Variants in CREB1 observed in about 807,000 individuals in gnomAD.
CREB1 encodes cyclic AMP-responsive element-binding protein 1.
Under a neutral mutation model 42.0 loss-of-function variants are expected in CREB1, and 2 were observed. The ratio of observed to expected loss-of-function variants is 0.05; its 90% CI spans 0.02 to 0.15. The LOEUF is 0.15. Among genes scored for constraint, CREB1 ranks in the 10% least tolerant of loss-of-function variants. The probability of loss-of-function intolerance (pLI) is 1.00; values close to 1 mark genes in which losing one functional copy is unlikely to be tolerated. For missense variants in CREB1, 199 were observed against 388.9 expected (o/e 0.51, Z 4.11); for synonymous variants, 123 against 139.9 (o/e 0.88, Z 0.85).
At chr2:207,585,126 C>T (rs574055784) in intron 7 of CREB1, among the ~76,000 whole-genome samples, 3 of 152,264 alleles carry the variant, frequency 2.0e-5, no homozygotes, top group Non-Finnish European at 2.9e-5. Flanking sequence ...AAGGCCAGCT[C>T]GCTCTCACTA....
At chr2:207,535,964 G>T (rs533088807) in intron 1 of CREB1, among the ~76,000 whole-genome samples, 177 of 151,988 alleles carry the variant, frequency 1.2e-3, no homozygotes, top group Non-Finnish European at 1.9e-3. Flanking sequence ...GGGACAACAG[G>T]CGCGCACCAC....
intron 2 of CREB1, among the ~76,000 whole-genome samples, chr2:207,556,879 A>G (rs917551210): frequency 6.6e-6 from 1 of 152,174 alleles, no homozygotes; most frequent in South Asian, 2.1e-4. Context: ...GCTCACGCCT[A>G]TAATCCAAAC....
intron 1 of CREB1, among the ~76,000 whole-genome samples, chr2:207,553,921 T>TA (rs1415301480): frequency 5.9e-5 from 9 of 152,184 alleles, no homozygotes; most frequent in Non-Finnish European, 7.4e-5. Flanking sequence ...TTTACTTTTT[T>TA]AAAAAAATAA....
chr2:207,545,409 T>A (rs897122825), intron 1 of CREB1, among the ~76,000 whole-genome samples: 1 of 152,136 alleles, frequency 6.6e-6, no homozygotes, highest in African/African-American at 2.4e-5. Context: ...GGTTTCACTA[T>A]GTTGGCCAGC....
chr2:207,533,327 A>G (rs2080732310), intron 1 of CREB1, among the ~76,000 whole-genome samples: 1 of 152,094 alleles, frequency 6.6e-6, no homozygotes, highest in South Asian at 2.1e-4. Context: ...CATTATTAGA[A>G]ATTTTGGGTT....
At chr2:207,548,199 G>T (rs2081369267) in intron 1 of CREB1, among the ~76,000 whole-genome samples, 1 of 152,072 alleles carries the variant, frequency 6.6e-6, no homozygotes, top group Admixed American at 6.6e-5. Flanking sequence ...AAAGCGCAGG[G>T]ATTACAGGTG....
chr2:207,577,896 A>C (rs759731442), intron 7 of CREB1: 1 of 472,398 alleles, frequency 2.1e-6, no homozygotes, highest in Admixed American at 3.4e-5. Context: ...TCCCCACAGG[A>C]GATTTAATGC....
intron 1 of CREB1, among the ~76,000 whole-genome samples, chr2:207,545,891 G>A (rs979817339): frequency 4.6e-5 from 7 of 152,026 alleles, no homozygotes; most frequent in Middle Eastern, 3.4e-3. Flanking sequence ...GCGCCACCAC[G>A]CCTGGCTAAT....
chr2:207,592,911 C>CAAAAAAAAAAAAAAAAAAGAA (rs1441311815), intron 7 of CREB1, among the ~76,000 whole-genome samples: 5 of 145,088 alleles, frequency 3.4e-5, no homozygotes, highest in African/African-American at 5.1e-5. Context: ...GACTCCATCT[C>CAAAAAAAAAAAAAAAAAAGAA]AAAAAAGAAA....
At chr2:207,571,701 T>A in intron 5 of CREB1, 1 of 454,180 alleles carries the variant, frequency 2.2e-6, no homozygotes, top group South Asian at 1.6e-5. Context: ...TCGAAGACAT[T>A]GATACATGAT....
intron 1 of CREB1, 44 bp from the exon 2 acceptor site, chr2:207,555,584 A>G: frequency 7.8e-7 from 1 of 1,276,316 alleles, no homozygotes; most frequent in South Asian, 1.3e-5. Flanking sequence ...TCACGAAAGC[A>G]CAAAGCACTG....
At chr2:207,581,667 C>T in intron 7 of CREB1, 4 of 482,332 alleles carry the variant, frequency 8.3e-6, no homozygotes, top group Non-Finnish European at 1.5e-5. Flanking sequence ...TTCCGGATAC[C>T]CTTCATCCAG....
At chr2:207,557,111 C>T (rs775904016) in intron 2 of CREB1, among the ~76,000 whole-genome samples, 33 of 151,720 alleles carry the variant, frequency 2.2e-4, no homozygotes, top group Non-Finnish European at 4.0e-4. Context: ...GCATTCCAGC[C>T]GGGGTGACAG....
rs1216065005 is a variant in CREB1, at chr2:207,597,974, C to T, written c.*916C>T. On this transcript the variant is annotated 3_prime_UTR_variant, in exon 8 of 8. Transcript: ENST00000353267. ...CTTCAAAAATATTTATATTGTCACTCATTTACGTAAAAAGATATTTCTAAT... is the reference window on the plus strand; with the variant it reads ...CTTCAAAAATATTTATATTGTCACTTATTTACGTAAAAAGATATTTCTAAT... 1 of 183,924 alleles carries T rather than the reference C, an allele frequency of 5.4e-6. No individual in the cohort carries two copies. Among genetic ancestry groups the T allele is most frequent in the Non-Finnish European group, 1.2e-5 (1 of 86,904 alleles). The allele number at this position is 183,924 out of a possible 1,614,324, so 11.4% of individuals were successfully genotyped here.
intron 1 of CREB1, among the ~76,000 whole-genome samples, chr2:207,554,825 C>T (rs1389402982): frequency 6.6e-6 from 1 of 152,080 alleles, no homozygotes; most frequent in Non-Finnish European, 1.5e-5. Context: ...GGTGAGGTAT[C>T]AGAATGCTTT....
rs1428746027 is a variant in CREB1 at position 207,530,391 on chromosome 2, G to A, written c.-9+257G>A. ...CCAGCGGCGGCGCTCATGGCGGGGGGCGGCGGGCGGCGGGCGGCGGGCGGG... is the reference window on the plus strand; with the variant it reads ...CCAGCGGCGGCGCTCATGGCGGGGGACGGCGGGCGGCGGGCGGCGGGCGGG... On this transcript the variant is annotated intron_variant, in intron 1 of 7. Transcript: ENST00000353267. Among the ~76,000 whole-genome samples, 320 of 145,590 alleles carry A rather than the reference G, an allele frequency of 2.2e-3. 3 individuals carry two copies. The highest frequency in any genetic ancestry group is 0.018 in the Admixed American group (259 of 14,730).
intron 2 of CREB1, 67 bp from the exon 3 acceptor site, chr2:207,560,159 A>G: frequency 2.9e-6 from 4 of 1,393,218 alleles, no homozygotes; most frequent in Non-Finnish European, 3.8e-6. Flanking sequence ...AAGTTATTTC[A>G]TATTGAACAT....
At chr2:207,588,138 TC>T (rs869253794) in intron 7 of CREB1, among the ~76,000 whole-genome samples, 1 of 11,740 alleles carries the variant, frequency 8.5e-5, no homozygotes, top group Admixed American at 2.0e-3. Flanking sequence ...CACACAGACT[TC>T]GTTTTCCTCT....
intron 1 of CREB1, among the ~76,000 whole-genome samples, chr2:207,537,465 T>C (rs1330620159): frequency 6.6e-6 from 1 of 152,226 alleles, no homozygotes; most frequent in Non-Finnish European, 1.5e-5. Flanking sequence ...TCCCACAGTG[T>C]CATGGAATCA....
Sources: gnomAD v4.1 joint callset for allele counts (sites outside exome capture counted in the v4.1 genomes callset) on GRCh38, gnomAD v4.1.1 for gene constraint, MANE v1.5 for transcripts, NCBI Gene and HGNC (gene_info 2026-07-23, HGNC 2026-07-21) for gene names.